The following PLAUR variants were observed in gnomAD, a reference collection of about 807,000 sequenced individuals.
PLAUR encodes the protein plasminogen activator, urokinase receptor.
Under a neutral mutation model 33.4 loss-of-function variants are expected in PLAUR, and 22 were observed. The observed-to-expected ratio is 0.66, with a 90% confidence interval of 0.47 to 0.94. PLAUR has a LOEUF of 0.94. PLAUR is among the 40% of genes least tolerant of loss of function. PLAUR has a pLI of 0.00. For missense variants in PLAUR, 408 were observed against 434.7 expected (o/e 0.94, Z 0.55); for synonymous variants, 148 against 167.3 (o/e 0.88, Z 0.89).
chr19:43,657,675 G>T (rs936431182), intron 3 of PLAUR, among the ~76,000 whole-genome samples: 1 of 152,218 alleles, frequency 6.6e-6, no homozygotes, highest in Non-Finnish European at 1.5e-5. Context: ...TGACAGGTAT[G>T]TCTCCTCTAC....
chr19:43,669,538 G>T (rs1002738687), intron 1 of PLAUR, among the ~76,000 whole-genome samples: 3 of 152,176 alleles, frequency 2.0e-5, no homozygotes, highest in Non-Finnish European at 4.4e-5. Flanking sequence ...TGGGCCGGGC[G>T]CGGTGGCTCA....
Position 43,654,833 on chromosome 19 carries a change from A to G in PLAUR, c.607+606T>C, listed in dbSNP as rs4251893. ...GACCAGAGAGGAGGTCATTGCAACA[A>G]CCTGGGCAAGAAGTCAGCGTGGCTC... is the stretch of plus-strand genomic sequence containing the variant. On this transcript the variant is annotated intron_variant, in intron 5 of 6. Coordinates refer to ENST00000340093, the MANE Select transcript of PLAUR (RefSeq NM_002659.4). 5.4e-4 allele frequency among the ~76,000 whole-genome samples: 82 copies of G among 152,222 alleles called. 1 individual carries two copies. Among genetic ancestry groups the G allele is most frequent in the African/African-American group, 1.7e-3 (69 of 41,542 alleles).
intron 2 of PLAUR, chr19:43,667,181 C>A (rs1967291405): frequency 4.9e-6 from 1 of 203,004 alleles, no homozygotes; most frequent in Non-Finnish European, 1.0e-5. Context: ...CAGTGCCCAG[C>A]CTGTTTCCAA....
At chr19:43,668,647 C>A (rs1967380086) in intron 1 of PLAUR, among the ~76,000 whole-genome samples, 1 of 150,486 alleles carries the variant, frequency 6.6e-6, no homozygotes, top group Non-Finnish European at 1.5e-5. Context: ...CGTAGCTCCT[C>A]CCCAAGCTTA....
In PLAUR at chr19:43,665,820, C is replaced by T. The variant is rs367961546; in HGVS notation, c.167-361G>A. Among the ~76,000 whole-genome samples the T allele has an allele frequency of 5.4e-5, 8 of 147,972 alleles. No homozygotes were observed. In the South Asian group the frequency reaches 1.8e-3, roughly 33 times the overall value. On this transcript the variant is annotated intron_variant, in intron 2 of 6. Transcript: ENST00000340093. ...CTGGAACCACAGGCTTACATCACCACACCCTGCTAATTTTTAAATTTTTTA... is the reference window on the plus strand; with the variant it reads ...CTGGAACCACAGGCTTACATCACCATACCCTGCTAATTTTTAAATTTTTTA...
intron 4 of PLAUR, 24 bp from the exon 5 acceptor site, chr19:43,655,597 T>C: frequency 1.2e-6 from 2 of 1,603,312 alleles, no homozygotes; most frequent in African/African-American, 1.3e-5. Context: ...GGGACAGAGG[T>C]CAGATGTCAG....
chr19:43,651,966 C>T (rs4251914), intron 6 of PLAUR: 57,422 of 1,191,670 alleles, frequency 0.048, 1,579 homozygotes, highest in Non-Finnish European at 0.054. Flanking sequence ...GATCCTCCGG[C>T]CTCAGCCTCC....
intron 5 of PLAUR, among the ~76,000 whole-genome samples, chr19:43,652,868 C>T (rs995764176): frequency 1.3e-5 from 2 of 152,040 alleles, no homozygotes; most frequent in African/African-American, 4.8e-5. Flanking sequence ...TCAGGCTGGT[C>T]TCAAACTCCT....
rs1381498314 is a variant in PLAUR at position 43,667,587 on chromosome 19, A to C, written c.160T>G (p.Trp54Gly). ...DLCRTTIVRL[W>G]EEGEELELVE... ...GGGTTGGGGGGAAGCTCACCTTCCC[A>C]CAAGCGCACGATCGTGGTCCTGCAG... Residue 54 changes from tryptophan to glycine, a missense_variant, in exon 2 of 7, where the codon TGG (tryptophan) becomes GGG (glycine). Coordinates refer to ENST00000340093, the MANE Select transcript of PLAUR (RefSeq NM_002659.4). 6.2e-7 allele frequency: 1 copy of C among 1,610,806 alleles called. No homozygotes were observed. Among genetic ancestry groups the C allele is most frequent in the Non-Finnish European group, 8.5e-7 (1 of 1,177,104 alleles).
rs532378691 is a variant in PLAUR, at chr19:43,651,064, TTTTAA to T, written c.754+1156_754+1160del. 6.1e-3 allele frequency among the ~76,000 whole-genome samples: 923 copies of T among 150,506 alleles called. 10 individuals are homozygous for T. The highest frequency in any genetic ancestry group is 0.021 in the African/African-American group (861 of 40,182). On this transcript the variant is annotated intron_variant, in intron 6 of 6. Transcript: ENST00000340093. ...AAAAAAAAAGATTTCTCAGTTTTAA[TTTTAA>T]TTTAATTTTATTTTATTTTATTTTT...
intron 3 of PLAUR, among the ~76,000 whole-genome samples, chr19:43,659,863 T>C (rs866803673): frequency 3.3e-5 from 5 of 152,254 alleles, no homozygotes; most frequent in Admixed American, 3.3e-4. Flanking sequence ...GTTCTTCATT[T>C]GAGTCACTGT....
At chr19:43,666,871 C>A (rs770572170) in intron 2 of PLAUR, among the ~76,000 whole-genome samples, 39 of 145,942 alleles carry the variant, frequency 2.7e-4, no homozygotes, top group Non-Finnish European at 4.5e-4. Flanking sequence ...GCCCGGCCCA[C>A]CTTTCTCTCT....
chr19:43,650,023 T>C (rs1973929217), intron 6 of PLAUR, among the ~76,000 whole-genome samples: 2 of 151,796 alleles, frequency 1.3e-5, no homozygotes, highest in Non-Finnish European at 2.9e-5. Flanking sequence ...TTTTTGTTTT[T>C]TTTTTTGAGA....
At chr19:43,666,250 T>C (rs1170970640) in intron 2 of PLAUR, among the ~76,000 whole-genome samples, 1 of 152,026 alleles carries the variant, frequency 6.6e-6, no homozygotes, top group East Asian at 1.9e-4. Context: ...GTTTCATGTG[T>C]TCTTAAAGCT....
intron 2 of PLAUR, chr19:43,667,242 C>A: frequency 2.9e-6 from 1 of 346,718 alleles, no homozygotes; most frequent in South Asian, 3.0e-5. Flanking sequence ...ACATGTGTCC[C>A]TGGGTATATG....
At chr19:43,665,151 T>C in intron 3 of PLAUR, 165 bp downstream of exon 3, 1 of 648,292 alleles carries the variant, frequency 1.5e-6, no homozygotes, top group South Asian at 1.8e-5. Flanking sequence ...CAAGAATGAG[T>C]TGGGGATGGA....
At chr19:43,653,237 T>C (rs772721857) in intron 5 of PLAUR, among the ~76,000 whole-genome samples, 1 of 152,228 alleles carries the variant, frequency 6.6e-6, no homozygotes, top group Non-Finnish European at 1.5e-5. Flanking sequence ...AAGTGCTCAC[T>C]GACCACATAC....
At chr19:43,667,239 T>A in intron 2 of PLAUR, 1 of 343,260 alleles carries the variant, frequency 2.9e-6, no homozygotes, top group Non-Finnish European at 5.6e-6. Flanking sequence ...TATACATGTG[T>A]CCCTGGGTAT....
At chr19:43,665,192 G>T in intron 3 of PLAUR, 124 bp downstream of exon 3, 1 of 988,798 alleles carries the variant, frequency 1.0e-6, no homozygotes, top group Non-Finnish European at 1.5e-6. Flanking sequence ...GGTTGGGGTT[G>T]GGACTTGGAT....
Sources: gnomAD v4.1 joint callset for allele counts (sites outside exome capture counted in the v4.1 genomes callset) on GRCh38, gnomAD v4.1.1 for gene constraint, MANE v1.5 for transcripts, NCBI Gene and HGNC (gene_info 2026-07-23, HGNC 2026-07-21) for gene names.